Variants in AGL observed in about 807,000 individuals in gnomAD.
AGL encodes the protein glycogen debranching enzyme.
In AGL, 128 loss-of-function variants were observed where a neutral mutation model predicts 199.3. The ratio of observed to expected loss-of-function variants is 0.64; its 90% CI spans 0.56 to 0.74. The LOEUF is 0.74. Among genes scored for constraint, AGL ranks in the 30% least tolerant of loss-of-function variants. The pLI, the probability that AGL is intolerant of heterozygous loss-of-function variation, is 0.00. For synonymous variants in AGL, 584 were observed against 594.7 expected, an observed-to-expected ratio of 0.98 and a Z score of 0.26; for missense variants, 1,809 against 1,820.8, an observed-to-expected ratio of 0.99 and a Z score of 0.12.
rs1412841083 is a variant in AGL at position 99,886,463 on chromosome 1, C to CAACA, written c.2682-1514_2682-1511dup. Among the ~76,000 whole-genome samples the CAACA allele has an allele frequency of 7.3e-5, 11 of 149,746 alleles. No homozygotes were observed. The South Asian group carries it at 2.4e-3, about 32-fold the overall frequency. The stretch of plus-strand genomic sequence containing the variant: ...TTGTGCCACTGCTCTCCAGCCTGGG[C>CAACA]AACAGAGCAAGACCCTGTCTCTAGA... On this transcript the variant is annotated intron_variant, in intron 20 of 33. Transcript: ENST00000361915.
chr1:99,854,667 G>A (rs1649264918), intron 2 of AGL, among the ~76,000 whole-genome samples: 1 of 151,866 alleles, frequency 6.6e-6, no homozygotes, highest in African/African-American at 2.4e-5. Flanking sequence ...GGGAGGCTGA[G>A]GCAGGAGAAA....
At chr1:99,870,335 A>G in intron 5 of AGL, 65 bp from the exon 6 acceptor site, 1 of 1,516,708 alleles carries the variant, frequency 6.6e-7, no homozygotes, top group Non-Finnish European at 9.1e-7. Context: ...TCACCTCTAA[A>G]CTTAACATAG....
At chr1:99,854,873 ATTAAAGAAAAGGAT>A (rs1325132399) in intron 2 of AGL, among the ~76,000 whole-genome samples, 1 of 151,840 alleles carries the variant, frequency 6.6e-6, no homozygotes, top group Non-Finnish European at 1.5e-5. Flanking sequence ...AACACATCTG[ATTAAAGAAAAGGAT>A]TGAACAGCCT....
At chr1:99,913,774 G>C (rs758430989) in intron 30 of AGL, 36 bp downstream of exon 30, 1 of 1,591,244 alleles carries the variant, frequency 6.3e-7, no homozygotes, top group Non-Finnish European at 8.6e-7. Context: ...TTCAAAAAAT[G>C]ATGTGCTAGA....
chr1:99,881,463 ATTTG>A lies in AGL; in HGVS notation c.2157+20_2157+23del, dbSNP rs1652020084. ...TTTTATTCAGGCAAGAAATAATTAA[ATTTG>A]TTTCTTCAGGTTCAATTTCAGAGTA... is the stretch of plus-strand genomic sequence containing the variant. On this transcript the variant is annotated intron_variant, in intron 16 of 33. Transcript: ENST00000361915. 6.2e-7 allele frequency: 1 copy of A among 1,613,918 alleles called. No homozygotes were observed. The highest frequency in any genetic ancestry group is 8.5e-7 in the Non-Finnish European group (1 of 1,179,976).
intron 5 of AGL, among the ~76,000 whole-genome samples, chr1:99,866,075 C>T (rs951887820): frequency 3.3e-5 from 5 of 152,052 alleles, no homozygotes; most frequent in African/African-American, 1.2e-4. Context: ...TGAAACCAGC[C>T]TTGGCAACAT....
chr1:99,879,455 G>C (rs1001848430), intron 12 of AGL, among the ~76,000 whole-genome samples: 1 of 151,994 alleles, frequency 6.6e-6, no homozygotes, highest in African/African-American at 2.4e-5. Flanking sequence ...GTGGTGGTGC[G>C]TGCCTGTAAT....
At chr1:99,849,308 G>A (rs1436355891), upstream of AGL, among the ~76,000 whole-genome samples, 2 of 151,788 alleles carry the variant, frequency 1.3e-5, no homozygotes, top group Admixed American at 6.6e-5. Context: ...AATAAAGAAT[G>A]CAAGAATCTT....
At chr1:99,887,732 A>G (rs539231164) in intron 20 of AGL, among the ~76,000 whole-genome samples, 1 of 152,322 alleles carries the variant, frequency 6.6e-6, no homozygotes, top group East Asian at 1.9e-4. Flanking sequence ...CTTCTAATCA[A>G]TACAATTTGG....
Position 99,851,025 on chromosome 1 carries a change from A to G in AGL, c.-18A>G. The stretch of plus-strand genomic sequence containing the variant: ...CTTTTAATTCTTATGAAAGATTTCA[A>G]ATCCTCTAGAAGCCAAAATGGGACA... On this transcript the variant is annotated 5_prime_UTR_variant, in exon 2 of 34. Transcript: ENST00000361915. The G allele has an allele frequency of 6.2e-7, 1 of 1,603,582 alleles. No homozygotes were observed. The highest frequency in any genetic ancestry group is 8.5e-7 in the Non-Finnish European group (1 of 1,170,460).
chr1:99,879,960 T>A lies in AGL; in HGVS notation c.1649T>A (p.Leu550Ter). The change falls in exon 13 of 34, where the codon TTA (leucine) becomes TAA (stop). Residue 550 changes from leucine to a stop codon, truncating the protein, a stop_gained. Transcript: ENST00000361915. LOFTEE classifies it high-confidence loss of function. ...GCTGCTAGGAATTTGCAACCCAATT[T>A]ATATGTAGTAGCTGAACTGTTCACA... ...LDAARNLQPN[L>*]YVVAELFTGS... 6.2e-7 allele frequency: 1 copy of A among 1,613,762 alleles called. No homozygotes were observed. Among genetic ancestry groups the A allele is most frequent in the African/African-American group, 1.3e-5 (1 of 75,024 alleles).
chr1:99,855,461 T>G (rs1178974982), intron 2 of AGL, among the ~76,000 whole-genome samples: 1 of 152,132 alleles, frequency 6.6e-6, no homozygotes, highest in African/African-American at 2.4e-5. Flanking sequence ...TCTAGACAAA[T>G]CATAGCTTTT....
At chr1:99,878,021 G>A (rs1208222611) in intron 12 of AGL, among the ~76,000 whole-genome samples, 193 bp downstream of exon 12, 1 of 152,118 alleles carries the variant, frequency 6.6e-6, no homozygotes, top group Non-Finnish European at 1.5e-5. Flanking sequence ...GGAATACTGG[G>A]CTATAAAATA....
intron 16 of AGL, 45 bp from the exon 17 acceptor site, chr1:99,881,496 C>G: frequency 3.7e-6 from 6 of 1,613,962 alleles, no homozygotes; most frequent in Non-Finnish European, 5.1e-6. Flanking sequence ...CAGAGTAAGT[C>G]TTTCCAGTTT....
At chr1:99,902,145 TAA>T (rs1653892215) in intron 26 of AGL, among the ~76,000 whole-genome samples, 1 of 152,158 alleles carries the variant, frequency 6.6e-6, no homozygotes, top group African/African-American at 2.4e-5. Context: ...TTTAAAAATA[TAA>T]TTGTATATTT....
intron 11 of AGL, among the ~76,000 whole-genome samples, chr1:99,877,358 T>C (rs1651633152): frequency 6.6e-6 from 1 of 152,216 alleles, no homozygotes; most frequent in Non-Finnish European, 1.5e-5. Flanking sequence ...AAAAGGCCTA[T>C]GATATTAACA....
chr1:99,884,116 C>T lies in AGL; in HGVS notation c.2309-4C>T, dbSNP rs1485663691. 2 of 1,609,060 alleles carry T rather than the reference C, an allele frequency of 1.2e-6. No individual in the cohort carries two copies. ...TTTGTTAAAATGTTTTTATGTATTC[C>T]TAGGCAAAATTGAAGAAGTAGTTCT... On this transcript the variant is annotated splice_polypyrimidine_tract_variant and splice_region_variant and intron_variant, in intron 17 of 33. Coordinates refer to ENST00000361915, the MANE Select transcript of AGL (RefSeq NM_000642.3).
intron 33 of AGL, 99 bp downstream of exon 33, chr1:99,916,830 C>T: frequency 7.8e-7 from 1 of 1,276,340 alleles, no homozygotes; most frequent in Non-Finnish European, 1.1e-6. Flanking sequence ...TCTGTATGCC[C>T]TAGGTATCCC....
At chr1:99,893,959 G>A (rs1653104899) in intron 24 of AGL, among the ~76,000 whole-genome samples, 1 of 152,010 alleles carries the variant, frequency 6.6e-6, no homozygotes, top group South Asian at 2.1e-4. Context: ...GAGGCAGGAG[G>A]ATCGTTTGGG....
Sources: allele counts gnomAD v4.1 joint callset (sites outside exome capture counted in the v4.1 genomes callset), GRCh38; gene constraint gnomAD v4.1.1; transcripts MANE v1.5; gene names NCBI Gene and HGNC (gene_info 2026-07-23, HGNC 2026-07-21).